TMPRSS15: variants seen among roughly 807,000 people sequenced by gnomAD.
The protein encoded by TMPRSS15 is enteropeptidase.
Under a neutral mutation model 125.3 loss-of-function variants are expected in TMPRSS15, and 128 were observed. The observed-to-expected ratio is 1.02, with a 90% CI of 0.89 to 1.18. TMPRSS15 has a LOEUF of 1.18. Ranked by LOEUF, TMPRSS15 falls within the 50% of genes most tolerant of loss-of-function variation. The pLI is 0.00. For synonymous variants in TMPRSS15, 446 were observed against 423.2 expected (o/e 1.05, Z -0.66); for missense variants, 1,283 against 1,212.7 (o/e 1.06, Z -0.86).
At chr21:18,372,562 C>T (rs1334553840) in intron 5 of TMPRSS15, among the ~76,000 whole-genome samples, 1 of 152,150 alleles carries the variant, frequency 6.6e-6, no homozygotes, top group Non-Finnish European at 1.5e-5. Flanking sequence ...CTAGCAGCCA[C>T]TTCATTTACT....
chr21:18,404,628 A>C (rs928754368), upstream of TMPRSS15, among the ~76,000 whole-genome samples: 14 of 152,130 alleles, frequency 9.2e-5, no homozygotes, highest in African/African-American at 3.1e-4. Context: ...AAACTAAATA[A>C]AACCGAATCT....
chr21:18,425,921 A>G (rs974216819), intron 1 of TMPRSS15, among the ~76,000 whole-genome samples: 5 of 152,174 alleles, frequency 3.3e-5, no homozygotes, highest in African/African-American at 1.2e-4. Flanking sequence ...AGATAAATAG[A>G]AAAACATTAA....
At chr21:18,388,912 A>T (rs985611892) in intron 3 of TMPRSS15, among the ~76,000 whole-genome samples, 8 of 152,106 alleles carry the variant, frequency 5.3e-5, no homozygotes, top group Non-Finnish European at 8.8e-5. Context: ...GGACCAATGA[A>T]AGAGGCTAAG....
rs1326204360 is a variant in TMPRSS15 at position 18,383,772 on chromosome 21, G to T, written c.351C>A (p.Gly117=). Residue 117 remains glycine (G), a synonymous_variant, in exon 4 of 25, where the codon GGC becomes GGA. Transcript: ENST00000284885. ...KNSRVLQFEN[G]SIIVVFDLFF... is the part of the protein sequence containing the mutation. ...AAAGGTCAAATACGACTATAATGCTGCCATTTCTGCAAAGCAAAAGAGGAT... is the reference window on the plus strand; with the variant it reads ...AAAGGTCAAATACGACTATAATGCTTCCATTTCTGCAAAGCAAAAGAGGAT... 1 of 1,612,894 alleles carries T rather than the reference G, an allele frequency of 6.2e-7. No homozygotes were observed.
intron 22 of TMPRSS15, among the ~76,000 whole-genome samples, chr21:18,279,752 G>A (rs544874021): frequency 2.0e-5 from 3 of 151,968 alleles, no homozygotes; most frequent in African/African-American, 7.3e-5. Flanking sequence ...TGAAAATTAT[G>A]GTAAGGATGA....
chr21:18,462,421 G>T (rs2122953176), intron 1 of TMPRSS15, among the ~76,000 whole-genome samples: 4 of 151,836 alleles, frequency 2.6e-5, no homozygotes, highest in Non-Finnish European at 5.9e-5. Flanking sequence ...TTTACTTCAG[G>T]AGGGTATATT....
chr21:18,402,602 A>G (rs887741313), intron 1 of TMPRSS15, among the ~76,000 whole-genome samples: 2 of 152,076 alleles, frequency 1.3e-5, no homozygotes, highest in African/African-American at 4.8e-5. Flanking sequence ...AAAATGTAAA[A>G]AATTGTTTTT....
intron 1 of TMPRSS15, among the ~76,000 whole-genome samples, chr21:18,448,929 T>C (rs1224493548): frequency 6.6e-6 from 1 of 152,180 alleles, no homozygotes; most frequent in Non-Finnish European, 1.5e-5. Context: ...AAGTCTAGTA[T>C]ATCTTTTTTT....
At position 18,455,663 on chromosome 21, in the gene TMPRSS15, C is replaced by G. The variant is rs1194388516; in HGVS notation, c.10+30136G>C. On this transcript the variant is annotated intron_variant, in intron 1 of 7. Coordinates refer to the TMPRSS15 transcript ENST00000422787. ...GAAAATGTCTACTTACCCTTCATTC[C>G]TGTTGTCAGGGAGGAGAAGACCCCC... 2.6e-5 allele frequency among the ~76,000 whole-genome samples: 4 copies of G among 152,124 alleles called. No homozygotes were observed. The East Asian group carries it at 7.7e-4, about 29-fold the overall frequency.
intron 1 of TMPRSS15, among the ~76,000 whole-genome samples, chr21:18,413,348 CTTCCTTCCTTCCT>C (rs1555911471): frequency 2.3e-5 from 3 of 131,390 alleles, no homozygotes; most frequent in Admixed American, 8.3e-5. Flanking sequence ...TCCTTCCTTC[CTTCCTTCCTTCCT>C]TTCCTTCCTT....
At chr21:18,462,014 A>T (rs2122952921) in intron 1 of TMPRSS15, among the ~76,000 whole-genome samples, 1 of 152,268 alleles carries the variant, frequency 6.6e-6, no homozygotes, top group East Asian at 1.9e-4. Flanking sequence ...TCACGTGATG[A>T]TGATTATGAT....
chr21:18,368,882 A>C (rs1175050318), intron 6 of TMPRSS15, among the ~76,000 whole-genome samples: 1 of 152,192 alleles, frequency 6.6e-6, no homozygotes, highest in Non-Finnish European at 1.5e-5. Context: ...TATCTTCTCA[A>C]GACAGAGGCT....
In TMPRSS15 at chr21:18,280,575, C is replaced by CAAAA. The variant is rs1230513414; in HGVS notation, c.2668+461_2668+464dup. On this transcript the variant is annotated intron_variant, in intron 22 of 24. Transcript: ENST00000284885. ...TGGGCAACAGAGCGAGACTCCGTCT[C>CAAAA]AAAAAAAAAAAAAAAAAAAACAACA... Among the ~76,000 whole-genome samples, 81 of 48,310 alleles carry CAAAA rather than the reference C, an allele frequency of 1.7e-3. 3 individuals carry two copies. The highest frequency in any genetic ancestry group is 7.1e-3 in the African/African-American group (76 of 10,648). 31.7% of individuals were successfully genotyped at this position (48,310 alleles called of 152,430 possible). A position where few individuals can be genotyped will look rare whatever the true frequency, so the allele number is the denominator to read the frequency against.
intron 1 of TMPRSS15, among the ~76,000 whole-genome samples, chr21:18,408,896 T>C (rs1159789477): frequency 1.3e-5 from 2 of 152,158 alleles, no homozygotes; most frequent in Non-Finnish European, 2.9e-5. Flanking sequence ...AATATTGAAC[T>C]AGTCCTCCTT....
chr21:18,434,536 A>C (rs2076223761), intron 1 of TMPRSS15, among the ~76,000 whole-genome samples: 1 of 152,134 alleles, frequency 6.6e-6, no homozygotes. Context: ...TTTTAAAAAT[A>C]TCTATGTAAA....
At chr21:18,425,709 T>C (rs2076201307) in intron 1 of TMPRSS15, among the ~76,000 whole-genome samples, 1 of 152,138 alleles carries the variant, frequency 6.6e-6, no homozygotes. Flanking sequence ...TTGTGAATAA[T>C]AACGTAGTGG....
intron 3 of TMPRSS15, among the ~76,000 whole-genome samples, chr21:18,393,085 A>G (rs1314378222): frequency 6.6e-6 from 1 of 152,164 alleles, no homozygotes; most frequent in Non-Finnish European, 1.5e-5. Context: ...ATGATGTGGC[A>G]GGACTGAGGC....
chr21:18,413,254 C>CT (rs1376345531), intron 1 of TMPRSS15, among the ~76,000 whole-genome samples: 1 of 144,828 alleles, frequency 6.9e-6, no homozygotes, highest in African/African-American at 2.5e-5. Context: ...TTCTTCCTTC[C>CT]TTTCTTTCTT....
intron 5 of TMPRSS15, among the ~76,000 whole-genome samples, chr21:18,374,055 T>G (rs1007428805): frequency 6.6e-6 from 1 of 152,182 alleles, no homozygotes; most frequent in African/African-American, 2.4e-5. Flanking sequence ...AGCAATTAGT[T>G]TCCTTCTAAG....
Sources: allele counts gnomAD v4.1 joint callset (sites outside exome capture counted in the v4.1 genomes callset), GRCh38; gene constraint gnomAD v4.1.1; transcripts MANE v1.5; gene names NCBI Gene and HGNC (gene_info 2026-07-23, HGNC 2026-07-21).